Variants in EXT1 observed in about 807,000 individuals in gnomAD.
EXT1 encodes the protein exostosin-1.
EXT1 carries 20 observed loss-of-function variants against 82.5 expected under a neutral mutation model. The ratio of observed to expected loss-of-function variants is 0.24; its 90% CI spans 0.17 to 0.35. The LOEUF (loss-of-function observed/expected upper bound fraction) is 0.35. Among genes scored for constraint, EXT1 ranks in the 10% least tolerant of loss-of-function variants. EXT1 has a pLI of 1.00. For missense variants in EXT1, 757 were observed against 936.5 expected (o/e 0.81, Z 2.50); for synonymous variants, 348 against 350.8 (o/e 0.99, Z 0.09).
At chr8:117,943,727 T>C (rs573818461) in intron 1 of EXT1, among the ~76,000 whole-genome samples, 3 of 152,222 alleles carry the variant, frequency 2.0e-5, no homozygotes, top group Admixed American at 6.5e-5. Context: ...ATAATGTACG[T>C]GTGTATTTTG....
chr8:118,097,617 T>C (rs922409796), intron 1 of EXT1, among the ~76,000 whole-genome samples: 1 of 152,160 alleles, frequency 6.6e-6, no homozygotes, highest in African/African-American at 2.4e-5. Context: ...CTTCACAGCA[T>C]CCAGCACCTT....
intron 1 of EXT1, among the ~76,000 whole-genome samples, chr8:117,848,497 G>C (rs1812402045): frequency 6.6e-6 from 1 of 152,044 alleles, no homozygotes; most frequent in Non-Finnish European, 1.5e-5. Context: ...AGAGGCTGTG[G>C]GACAGAAAGA....
At chr8:118,040,379 T>C (rs1816507511) in intron 1 of EXT1, among the ~76,000 whole-genome samples, 1 of 152,154 alleles carries the variant, frequency 6.6e-6, no homozygotes, top group Non-Finnish European at 1.5e-5. Context: ...TCTGTTTGGG[T>C]TCTTGATTAT....
intron 1 of EXT1, among the ~76,000 whole-genome samples, chr8:117,973,349 A>T (rs769525656): frequency 7.2e-5 from 11 of 152,180 alleles, no homozygotes; most frequent in Non-Finnish European, 1.6e-4. Context: ...GGTTCTAACC[A>T]GTGTTGTATG....
intron 1 of EXT1, among the ~76,000 whole-genome samples, chr8:117,923,896 C>T (rs982231689): frequency 5.9e-5 from 9 of 152,112 alleles, no homozygotes; most frequent in African/African-American, 2.2e-4. Context: ...GTTCACCAAT[C>T]AATTAGTGTT....
At chr8:117,929,346 C>T (rs367912155) in intron 1 of EXT1, among the ~76,000 whole-genome samples, 1 of 152,204 alleles carries the variant, frequency 6.6e-6, no homozygotes, top group African/African-American at 2.4e-5. Context: ...GCTCTGAGTG[C>T]TTCCCTCTTC....
chr8:117,943,518 A>G (rs890778501), intron 1 of EXT1, among the ~76,000 whole-genome samples: 3 of 152,240 alleles, frequency 2.0e-5, no homozygotes, highest in African/African-American at 7.2e-5. Context: ...GAAACTGCCT[A>G]GAGTAGACTG....
At chr8:118,027,434 T>C (rs763929333) in intron 1 of EXT1, among the ~76,000 whole-genome samples, 7 of 151,976 alleles carry the variant, frequency 4.6e-5, no homozygotes, top group Non-Finnish European at 8.8e-5. Flanking sequence ...CTCAATGAAT[T>C]TAACAGATCT....
At chr8:117,906,963 C>T (rs1425645713) in intron 1 of EXT1, among the ~76,000 whole-genome samples, 1 of 152,078 alleles carries the variant, frequency 6.6e-6, no homozygotes, top group Non-Finnish European at 1.5e-5. Flanking sequence ...AGAAAGCAAA[C>T]AAGAAAAAAG....
At chr8:118,049,463 T>C (rs568738559) in intron 1 of EXT1, among the ~76,000 whole-genome samples, 675 of 152,212 alleles carry the variant, frequency 4.4e-3, no homozygotes, top group Non-Finnish European at 7.6e-3. Context: ...GCTCCGACTT[T>C]GCAAGGTGGC....
At chr8:118,073,464 T>C (rs1490515395) in intron 1 of EXT1, among the ~76,000 whole-genome samples, 1 of 151,892 alleles carries the variant, frequency 6.6e-6, no homozygotes, top group Non-Finnish European at 1.5e-5. Context: ...CTACAAAAAA[T>C]ACAAAAATTA....
intron 1 of EXT1, among the ~76,000 whole-genome samples, chr8:118,093,268 C>CAAA (rs10594150): frequency 2.1e-3 from 142 of 66,474 alleles, no homozygotes; most frequent in East Asian, 5.8e-3. Context: ...AAATTCCCAG[C>CAAA]AAAAAAAAAA....
chr8:117,833,508 G>C (rs568161663), intron 3 of EXT1, among the ~76,000 whole-genome samples: 1 of 151,992 alleles, frequency 6.6e-6, no homozygotes, highest in African/African-American at 2.4e-5. Context: ...CCAGCTACTC[G>C]GGAGGCTGAG....
chr8:117,939,251 A>G (rs1814227149), intron 1 of EXT1, among the ~76,000 whole-genome samples: 1 of 152,172 alleles, frequency 6.6e-6, no homozygotes, highest in African/African-American at 2.4e-5. Context: ...AGACAACCCT[A>G]TGAAGCAGGT....
chr8:118,087,408 A>T (rs947124455), intron 1 of EXT1, among the ~76,000 whole-genome samples: 2 of 152,224 alleles, frequency 1.3e-5, no homozygotes, highest in African/African-American at 4.8e-5. Flanking sequence ...ATTGTCAGGG[A>T]TCTTTAACCA....
rs17474637 is a variant in EXT1, at chr8:117,834,909, C to T, written c.1164+535G>A. Among the ~76,000 whole-genome samples the T allele has an allele frequency of 8.2e-3, 1,245 of 152,028 alleles. 17 individuals are homozygous for T. The highest frequency in any genetic ancestry group is 0.028 in the African/African-American group (1,163 of 41,458). Reference sequence around the variant, plus strand: ...CTCAGATTTTTCTGAGTATCGTATCCCCCTCCCTAGGCAGCTCTTGAGCAA... The same window carrying T: ...CTCAGATTTTTCTGAGTATCGTATCTCCCTCCCTAGGCAGCTCTTGAGCAA... On this transcript the variant is annotated intron_variant, in intron 3 of 10. Coordinates refer to ENST00000378204, the MANE Select transcript of EXT1 (RefSeq NM_000127.3).
chr8:117,800,839 G>C (rs1823156343), intron 10 of EXT1, among the ~76,000 whole-genome samples: 1 of 152,196 alleles, frequency 6.6e-6, no homozygotes, highest in South Asian at 2.1e-4. Flanking sequence ...GATTGGCATT[G>C]ATTTAAAAAG....
intron 1 of EXT1, among the ~76,000 whole-genome samples, chr8:117,856,252 CT>C (rs941357298): frequency 2.4e-3 from 323 of 135,580 alleles, no homozygotes; most frequent in South Asian, 4.3e-3. Context: ...AAGGCTTTTT[CT>C]TTTTTTTTTT....
intron 4 of EXT1, among the ~76,000 whole-genome samples, chr8:117,826,337 T>C (rs553179560): frequency 4.6e-5 from 7 of 152,160 alleles, no homozygotes; most frequent in South Asian, 4.1e-4. Context: ...CCCATTCCCA[T>C]GGCTTAGAAT....
Sources: allele counts gnomAD v4.1 joint callset (sites outside exome capture counted in the v4.1 genomes callset), GRCh38; gene constraint gnomAD v4.1.1; transcripts MANE v1.5; gene names NCBI Gene and HGNC (gene_info 2026-07-23, HGNC 2026-07-21).